The following AFF1 variants were observed in gnomAD, a reference collection of about 807,000 sequenced individuals.
AFF1 encodes ALF transcription elongation factor 1.
A neutral mutation model predicts 121.7 loss-of-function variants in AFF1; 48 were observed. The observed-to-expected ratio is 0.39, with a 90% confidence interval of 0.31 to 0.50. The LOEUF (loss-of-function observed/expected upper bound fraction) is 0.50. Ranked by LOEUF, AFF1 falls within the 20% of genes least tolerant of loss-of-function variation. AFF1 has a pLI of 0.76. For synonymous variants in AFF1, 613 were observed against 563.0 expected (o/e 1.09, Z -1.26); for missense variants, 1,523 against 1,511.7 (o/e 1.01, Z -0.12).
At chr4:87,035,198 A>G (rs538252684) in intron 2 of AFF1, among the ~76,000 whole-genome samples, 1 of 152,200 alleles carries the variant, frequency 6.6e-6, no homozygotes, top group East Asian at 1.9e-4. Flanking sequence ...AAGGGTAGAA[A>G]GTGAGGCAGA....
At position 86,990,911 on chromosome 4, in the gene AFF1, G is replaced by A. The variant is rs933270092; in HGVS notation, c.38+42340G>A. Among the ~76,000 whole-genome samples, 6 of 152,124 alleles carry A rather than the reference G, an allele frequency of 3.9e-5. No individual in the cohort carries two copies. In the East Asian group the frequency reaches 1.2e-3, roughly 29 times the overall value. On this transcript the variant is annotated intron_variant, in intron 2 of 20. Transcript: ENST00000395146. ...TCACGCCTGTAATCCCAGCACTTTC[G>A]GAGGCCGAGGTGGGTGGATCACCTG... is the stretch of plus-strand genomic sequence containing the variant.
intron 8 of AFF1, among the ~76,000 whole-genome samples, chr4:87,098,055 A>G (rs568935779): frequency 2.0e-5 from 3 of 152,310 alleles, no homozygotes; most frequent in East Asian, 1.9e-4. Context: ...TAAAAAACCA[A>G]TCTAGGTCTT....
chr4:86,998,289 A>G (rs1278270115), intron 2 of AFF1, among the ~76,000 whole-genome samples: 1 of 152,142 alleles, frequency 6.6e-6, no homozygotes, highest in Non-Finnish European at 1.5e-5. Flanking sequence ...CCCTGGAGAC[A>G]TGCAAACAAG....
At chr4:86,948,951 G>C (rs563054099) in intron 2 of AFF1, among the ~76,000 whole-genome samples, 1 of 151,948 alleles carries the variant, frequency 6.6e-6, no homozygotes, top group Non-Finnish European at 1.5e-5. Flanking sequence ...GTGAAGGAGG[G>C]AATTCCTTCA....
In AFF1 at chr4:87,047,547, G is replaced by C; in HGVS notation, c.1012G>C (p.Ala338Pro). 1 of 1,614,214 alleles carries C rather than the reference G, an allele frequency of 6.2e-7. No homozygotes were observed. Among genetic ancestry groups the C allele is most frequent in the Non-Finnish European group, 8.5e-7 (1 of 1,180,042 alleles). Residue 338 changes from alanine to proline, a missense_variant, in exon 4 of 21, where the codon GCC becomes CCC. Around this residue, in one of 5 missense-constraint regions of AFF1, gnomAD observed 905 missense variants for 842.5 expected, o/e 1.07. Coordinates refer to ENST00000395146, the MANE Select transcript of AFF1 (RefSeq NM_001166693.3). ...TFEKTDLKVPAKAKLTKLKMP... is the reference protein window; with the variant it reads ...TFEKTDLKVPPKAKLTKLKMP... ...TGAAAAAACAGACTTGAAAGTGCCT[G>C]CCAAAGCCAAGCTCACCAAACTGAA...
At chr4:87,076,256 C>CT (rs11408312) in intron 4 of AFF1, among the ~76,000 whole-genome samples, 64,792 of 151,910 alleles carry the variant, frequency 0.43, 14,136 homozygotes, top group South Asian at 0.51. Flanking sequence ...TTAAAATAAT[C>CT]TTTTTTATCC....
intron 2 of AFF1, among the ~76,000 whole-genome samples, chr4:87,010,884 C>T (rs1422943620): frequency 6.6e-6 from 1 of 152,052 alleles, no homozygotes; most frequent in Non-Finnish European, 1.5e-5. Flanking sequence ...GTTAGGAGAT[C>T]CAGACCACTG....
chr4:87,001,431 T>C (rs1158643790), intron 2 of AFF1, among the ~76,000 whole-genome samples: 1 of 152,002 alleles, frequency 6.6e-6, no homozygotes, highest in Non-Finnish European at 1.5e-5. Context: ...TTAGCCAGGA[T>C]GGTCTGGATC....
chr4:86,990,499 A>AG (rs998966536), intron 2 of AFF1, among the ~76,000 whole-genome samples: 1 of 152,094 alleles, frequency 6.6e-6, no homozygotes, highest in Non-Finnish European at 1.5e-5. Context: ...TGCACACTGA[A>AG]GGGGAACCTA....
intron 2 of AFF1, among the ~76,000 whole-genome samples, chr4:86,950,953 G>T (rs1239075766): frequency 6.6e-6 from 1 of 152,154 alleles, no homozygotes; most frequent in Non-Finnish European, 1.5e-5. Flanking sequence ...GTTCTTTGCT[G>T]GCACTTGTAC....
intron 12 of AFF1, among the ~76,000 whole-genome samples, chr4:87,117,189 A>C (rs962833664): frequency 3.3e-5 from 5 of 152,240 alleles, no homozygotes; most frequent in Non-Finnish European, 7.3e-5. Context: ...GGAAACTTTC[A>C]GCTCTCACTG....
At position 87,022,724 on chromosome 4, in the gene AFF1, A is replaced by ATG. The variant is rs552513338; in HGVS notation, c.39-23440_39-23439dup. Among the ~76,000 whole-genome samples the ATG allele has an allele frequency of 3.5e-3, 519 of 146,466 alleles. 7 individuals are homozygous for ATG. Among genetic ancestry groups the ATG allele is most frequent in the African/African-American group, 0.013 (498 of 38,560 alleles). On this transcript the variant is annotated intron_variant, in intron 2 of 20. Transcript: ENST00000395146. ...TGTATATATATATCTGTGTGTATAT[A>ATG]TGTATATATATCTGTGTGTGTGTAT... is the stretch of plus-strand genomic sequence containing the variant.
At chr4:87,031,333 G>C (rs992929274) in intron 2 of AFF1, among the ~76,000 whole-genome samples, 8 of 152,002 alleles carry the variant, frequency 5.3e-5, no homozygotes, top group Non-Finnish European at 1.0e-4. Flanking sequence ...AGATGTCCCT[G>C]TTCTTAATTA....
chr4:87,099,318 G>C (rs967952018), intron 8 of AFF1, among the ~76,000 whole-genome samples: 2 of 152,200 alleles, frequency 1.3e-5, no homozygotes, highest in Non-Finnish European at 2.9e-5. Flanking sequence ...ACAAACATTT[G>C]TGCTGGTTAT....
At chr4:87,089,641 C>T (rs1343216730) in intron 5 of AFF1, among the ~76,000 whole-genome samples, 1 of 152,190 alleles carries the variant, frequency 6.6e-6, no homozygotes, top group Non-Finnish European at 1.5e-5. Context: ...CTTTTCCAGC[C>T]CAACCTGTCA....
intron 2 of AFF1, among the ~76,000 whole-genome samples, chr4:87,027,625 T>G (rs1560552519): frequency 6.6e-6 from 1 of 152,168 alleles, no homozygotes; most frequent in African/African-American, 2.4e-5. Context: ...CTTGTGGTTA[T>G]TTTTTCTAAC....
intron 2 of AFF1, among the ~76,000 whole-genome samples, chr4:86,961,081 A>AT (rs1193517629): frequency 2.0e-5 from 3 of 152,210 alleles, no homozygotes; most frequent in Non-Finnish European, 4.4e-5. Flanking sequence ...AGATGAGAGT[A>AT]TTGAAGGCCT....
intron 2 of AFF1, among the ~76,000 whole-genome samples, chr4:86,965,619 T>A (rs537514865): frequency 1.3e-5 from 2 of 152,188 alleles, no homozygotes; most frequent in Admixed American, 1.3e-4. Context: ...AGAAAAAAAA[T>A]AATTGATAGT....
intron 2 of AFF1, among the ~76,000 whole-genome samples, chr4:86,975,644 A>AGCC (rs1440063110): frequency 6.6e-6 from 1 of 152,226 alleles, no homozygotes; most frequent in Non-Finnish European, 1.5e-5. Flanking sequence ...TCATTAAGAC[A>AGCC]GCCTTTTTTT....
Sources: allele counts gnomAD v4.1 joint callset (sites outside exome capture counted in the v4.1 genomes callset), GRCh38; gene constraint gnomAD v4.1.1; regional missense constraint gnomAD v4.1.1; transcripts MANE v1.5; gene names NCBI Gene and HGNC (gene_info 2026-07-23, HGNC 2026-07-21).